NARS2: variants seen among roughly 807,000 people sequenced by gnomAD.
The protein encoded by NARS2 is asparaginyl-tRNA synthetase.
In NARS2, 60 loss-of-function variants were observed where a neutral mutation model predicts 62.9. That is an observed-to-expected ratio of 0.95 (90% CI 0.77 to 1.18). The LOEUF (loss-of-function observed/expected upper bound fraction) is 1.18, where lower values mean the gene tolerates loss of function less well. Among genes scored for constraint, NARS2 ranks in the 50% most tolerant of loss-of-function variants. NARS2 has a pLI of 0.00. For synonymous variants in NARS2, 196 were observed against 200.0 expected (o/e 0.98, Z 0.17); for missense variants, 619 against 576.4 (o/e 1.07, Z -0.76).
At chr11:78,543,200 T>C (rs906412085) in intron 5 of NARS2, among the ~76,000 whole-genome samples, 2 of 152,162 alleles carry the variant, frequency 1.3e-5, no homozygotes, top group Admixed American at 1.3e-4. Context: ...TAAGCCATTA[T>C]AAAGCATACT....
chr11:78,573,354 C>T (rs926509764), intron 1 of NARS2: 2 of 152,212 alleles, frequency 1.3e-5, no homozygotes, highest in African/African-American at 4.8e-5. Flanking sequence ...CTGGGCAATA[C>T]AGTGAGACTC....
intron 9 of NARS2, among the ~76,000 whole-genome samples, chr11:78,471,630 C>T (rs1460690926): frequency 1.3e-5 from 2 of 151,460 alleles, no homozygotes; most frequent in East Asian, 3.9e-4. Context: ...GTGCGCTGCA[C>T]CCACTAACTC....
At chr11:78,503,363 G>A (rs547178726) in intron 6 of NARS2, among the ~76,000 whole-genome samples, 4 of 152,136 alleles carry the variant, frequency 2.6e-5, no homozygotes, top group Non-Finnish European at 5.9e-5. Flanking sequence ...TCAGCCTCCC[G>A]AATAGCAGGG....
intron 1 of NARS2, 120 bp from the exon 2 acceptor site, chr11:78,571,564 TTC>T (rs1294504263): frequency 1.9e-5 from 12 of 642,122 alleles, no homozygotes; most frequent in East Asian, 5.5e-5. Context: ...ACAAATCAAC[TTC>T]TTTTAGTTCA....
intron 5 of NARS2, among the ~76,000 whole-genome samples, chr11:78,544,034 A>C (rs867626509): frequency 2.0e-5 from 3 of 151,048 alleles, no homozygotes; most frequent in African/African-American, 4.9e-5. Flanking sequence ...AAAAAAAAAA[A>C]AAAAAACTCT....
chr11:78,440,362 C>T (rs1857538901), intron 13 of NARS2, among the ~76,000 whole-genome samples: 1 of 151,972 alleles, frequency 6.6e-6, no homozygotes, highest in African/African-American at 2.4e-5. Flanking sequence ...CCATGCCCGG[C>T]CGAGCCAAGC....
At chr11:78,514,982 A>C (rs925004875) in intron 6 of NARS2, among the ~76,000 whole-genome samples, 1 of 152,206 alleles carries the variant, frequency 6.6e-6, no homozygotes, top group African/African-American at 2.4e-5. Context: ...AAAAAAACTA[A>C]AAGGAAGAAT....
At chr11:78,447,654 A>G (rs778352591) in intron 11 of NARS2, among the ~76,000 whole-genome samples, 13 of 152,312 alleles carry the variant, frequency 8.5e-5, no homozygotes, top group Non-Finnish European at 1.5e-4. Flanking sequence ...ACACAATAAA[A>G]TACTATTCAG....
At chr11:78,441,203 G>C (rs1249813374) in intron 12 of NARS2, 86 bp from the exon 13 acceptor site, 15 of 1,248,596 alleles carry the variant, frequency 1.2e-5, no homozygotes, top group Non-Finnish European at 1.7e-5. Flanking sequence ...TGTGTGCAAA[G>C]AACTCTTTAT....
intron 6 of NARS2, among the ~76,000 whole-genome samples, chr11:78,497,971 A>C (rs891322805): frequency 3.3e-5 from 5 of 152,182 alleles, no homozygotes; most frequent in African/African-American, 1.2e-4. Context: ...GCAAAATTTA[A>C]TCTAAATTAT....
chr11:78,489,601 A>G (rs568879481), intron 7 of NARS2, among the ~76,000 whole-genome samples: 2 of 152,350 alleles, frequency 1.3e-5, no homozygotes, highest in South Asian at 4.1e-4. Context: ...TTTGGTATCC[A>G]TAATGGCAGG....
intron 11 of NARS2, among the ~76,000 whole-genome samples, chr11:78,464,105 C>T (rs1449877372): frequency 2.6e-5 from 4 of 151,950 alleles, no homozygotes; most frequent in Admixed American, 2.6e-4. Context: ...CTGGTGGGTT[C>T]GTGGTCTGGC....
chr11:78,443,151 C>A (rs759959779), intron 12 of NARS2, among the ~76,000 whole-genome samples: 3 of 152,008 alleles, frequency 2.0e-5, no homozygotes, highest in Non-Finnish European at 2.9e-5. Context: ...CGGTGAAACT[C>A]TGTCTCTACT....
intron 5 of NARS2, chr11:78,533,284 A>T (rs1861546162): frequency 6.6e-6 from 1 of 152,172 alleles, no homozygotes; most frequent in Non-Finnish European, 1.5e-5. Flanking sequence ...ATGAGACTGG[A>T]ATTGAAGCAC....
At chr11:78,480,603 T>G (rs1035692082) in intron 7 of NARS2, among the ~76,000 whole-genome samples, 6 of 142,348 alleles carry the variant, frequency 4.2e-5, no homozygotes, top group Non-Finnish European at 8.9e-5. Flanking sequence ...CCAACCAACA[T>G]GTATATCTAA....
intron 7 of NARS2, among the ~76,000 whole-genome samples, chr11:78,479,991 T>C (rs1859276727): frequency 6.6e-6 from 1 of 152,158 alleles, no homozygotes; most frequent in Non-Finnish European, 1.5e-5. Context: ...CTTGATCTCC[T>C]GGGATCAAGC....
At chr11:78,552,498 G>A (rs1856166346) in intron 5 of NARS2, among the ~76,000 whole-genome samples, 1 of 152,098 alleles carries the variant, frequency 6.6e-6, no homozygotes, top group African/African-American at 2.4e-5. Flanking sequence ...ATGCATCTTG[G>A]GCCCCAAAAT....
At chr11:78,528,309 A>G (rs1298808955) in intron 6 of NARS2, among the ~76,000 whole-genome samples, 2 of 152,180 alleles carry the variant, frequency 1.3e-5, no homozygotes, top group African/African-American at 2.4e-5. Context: ...CTTCTTTCTC[A>G]ATCCCGTTTT....
chr11:78,549,656 T>C (rs1037717328), intron 5 of NARS2, among the ~76,000 whole-genome samples: 3 of 152,184 alleles, frequency 2.0e-5, no homozygotes, highest in Non-Finnish European at 2.9e-5. Flanking sequence ...TTGGATCAGT[T>C]TGTGAAACAA....
Sources: gnomAD v4.1 joint callset for allele counts (sites outside exome capture counted in the v4.1 genomes callset) on GRCh38, gnomAD v4.1.1 for gene constraint, MANE v1.5 for transcripts, NCBI Gene and HGNC (gene_info 2026-07-23, HGNC 2026-07-21) for gene names.